Variants in SPAG16 observed in about 807,000 individuals in gnomAD.
SPAG16 encodes the protein sperm associated antigen 16, also known as sperm-associated antigen 16 protein.
In SPAG16, 86 loss-of-function variants were observed where a neutral mutation model predicts 80.4. That is an observed-to-expected ratio of 1.07 (90% CI 0.90 to 1.28). The LOEUF (loss-of-function observed/expected upper bound fraction) is 1.28, where lower values mean the gene tolerates loss of function less well. SPAG16 is among the 50% of genes most tolerant of loss of function. The pLI, the probability that SPAG16 is intolerant of heterozygous loss-of-function variation, is 0.00. For synonymous variants in SPAG16, 294 were observed against 265.9 expected, an observed-to-expected ratio of 1.11 and a Z score of -1.03; for missense variants, 870 against 765.3, an observed-to-expected ratio of 1.14 and a Z score of -1.61.
intron 12 of SPAG16, among the ~76,000 whole-genome samples, chr2:213,960,395 GT>G (rs897644311): frequency 4.7e-5 from 7 of 149,362 alleles, no homozygotes; most frequent in Admixed American, 4.0e-4. Context: ...CTGTTTGTTT[GT>G]TTTTTTTTCT....
chr2:214,321,295 G>T (rs1057154739), intron 15 of SPAG16, among the ~76,000 whole-genome samples: 1 of 152,184 alleles, frequency 6.6e-6, no homozygotes, highest in Admixed American at 6.5e-5. Flanking sequence ...CAAGGAATTT[G>T]CAAAATTCAT....
intron 12 of SPAG16, among the ~76,000 whole-genome samples, chr2:213,992,752 C>A (rs1367588412): frequency 6.6e-6 from 1 of 152,182 alleles, no homozygotes; most frequent in Non-Finnish European, 1.5e-5. Context: ...ATAACTGACA[C>A]ACTTATATGC....
chr2:213,959,624 C>T (rs952112879), intron 12 of SPAG16, among the ~76,000 whole-genome samples: 1 of 152,180 alleles, frequency 6.6e-6, no homozygotes, highest in Admixed American at 6.5e-5. Flanking sequence ...ATGGACTTTA[C>T]TGAAGGCATA....
intron 15 of SPAG16, among the ~76,000 whole-genome samples, chr2:214,356,267 A>T (rs1698792521): frequency 6.6e-6 from 1 of 152,048 alleles, no homozygotes; most frequent in African/African-American, 2.4e-5. Flanking sequence ...TGAAGTAAAC[A>T]TGTTAAATAA....
At chr2:213,752,208 C>G (rs1452271247) in intron 10 of SPAG16, among the ~76,000 whole-genome samples, 2 of 152,172 alleles carry the variant, frequency 1.3e-5, no homozygotes, top group African/African-American at 2.4e-5. Context: ...TAGATAAGGA[C>G]TTTGTCTTCT....
chr2:213,589,988 A>G (rs944660759), intron 10 of SPAG16, among the ~76,000 whole-genome samples: 2 of 151,614 alleles, frequency 1.3e-5, no homozygotes, highest in East Asian at 3.9e-4. Context: ...ACATTTTGTC[A>G]TCTAACCTCA....
intron 15 of SPAG16, among the ~76,000 whole-genome samples, chr2:214,366,048 G>A (rs1189994335): frequency 1.3e-5 from 2 of 149,346 alleles, no homozygotes; most frequent in African/African-American, 2.5e-5. Flanking sequence ...GTATGATCTC[G>A]GCTCACTGCA....
intron 9 of SPAG16, among the ~76,000 whole-genome samples, chr2:213,457,406 G>A (rs780296876): frequency 2.0e-5 from 3 of 152,120 alleles, no homozygotes; most frequent in South Asian, 2.1e-4. Context: ...TCTAATTTTC[G>A]TGGTTTCTTG....
chr2:214,250,755 T>G (rs200220059), intron 15 of SPAG16, among the ~76,000 whole-genome samples: 36,811 of 95,272 alleles, frequency 0.39, 6,596 homozygotes, highest in Non-Finnish European at 0.46. Flanking sequence ...TATATATATA[T>G]ATAGAGAGAG....
intron 15 of SPAG16, among the ~76,000 whole-genome samples, chr2:214,326,944 CAAAAAAAAAAAA>C (rs5838428): frequency 3.1e-5 from 2 of 64,464 alleles, no homozygotes; most frequent in Non-Finnish European, 2.6e-5. Flanking sequence ...GACTAAGTCT[CAAAAAAAAAAAA>C]AAAAAAAAAA....
At chr2:213,638,199 T>G (rs1331235071) in intron 10 of SPAG16, among the ~76,000 whole-genome samples, 1 of 152,222 alleles carries the variant, frequency 6.6e-6, no homozygotes, top group Non-Finnish European at 1.5e-5. Flanking sequence ...AAACTAGCTT[T>G]TTGTTTCATT....
chr2:213,634,447 A>G (rs1606936), intron 10 of SPAG16, among the ~76,000 whole-genome samples: 40,622 of 152,010 alleles, frequency 0.27, 6,341 homozygotes, highest in Middle Eastern at 0.42. Flanking sequence ...AGGATTAAAG[A>G]AGTTCACATG....
At chr2:213,529,871 A>G (rs1030493765) in intron 10 of SPAG16, among the ~76,000 whole-genome samples, 8 of 152,136 alleles carry the variant, frequency 5.3e-5, no homozygotes, top group African/African-American at 1.9e-4. Flanking sequence ...TCTATTTTTA[A>G]AATGCTTTAT....
At chr2:213,618,568 C>T (rs138725666) in intron 10 of SPAG16, among the ~76,000 whole-genome samples, 220 of 152,308 alleles carry the variant, frequency 1.4e-3, no homozygotes, top group African/African-American at 4.8e-3. Flanking sequence ...TAATGCCAAT[C>T]TCTTTAACAG....
chr2:214,193,080 G>A (rs1042170089), intron 15 of SPAG16, among the ~76,000 whole-genome samples: 5 of 152,066 alleles, frequency 3.3e-5, no homozygotes, highest in East Asian at 1.9e-4. Flanking sequence ...GAGGCAAAGC[G>A]ACCAAGCTTT....
intron 10 of SPAG16, among the ~76,000 whole-genome samples, chr2:213,614,956 A>T (rs1262238568): frequency 2.6e-5 from 4 of 152,224 alleles, no homozygotes; most frequent in Non-Finnish European, 5.9e-5. Flanking sequence ...CTCACTGCTG[A>T]GGACTATCCT....
intron 15 of SPAG16, chr2:214,249,996 G>A (rs1481454943): frequency 6.6e-6 from 1 of 152,152 alleles, no homozygotes; most frequent in African/African-American, 2.4e-5. Context: ...CAACAATTCA[G>A]TTCCGCTGAT....
At chr2:214,159,728 C>T (rs1021562422) in intron 15 of SPAG16, among the ~76,000 whole-genome samples, 3 of 151,930 alleles carry the variant, frequency 2.0e-5, no homozygotes, top group African/African-American at 7.2e-5. Context: ...CTTCATGTAA[C>T]ATCTCCTACC....
intron 15 of SPAG16, among the ~76,000 whole-genome samples, chr2:214,150,369 C>T (rs2055917640): frequency 6.6e-6 from 1 of 151,964 alleles, no homozygotes; most frequent in Non-Finnish European, 1.5e-5. Context: ...ACAATGGCTT[C>T]TTTAAAAATG....
Sources: allele counts gnomAD v4.1 joint callset (sites outside exome capture counted in the v4.1 genomes callset), GRCh38; gene constraint gnomAD v4.1.1; transcripts MANE v1.5; gene names NCBI Gene and HGNC (gene_info 2026-07-23, HGNC 2026-07-21).